The following LRRC7 variants were observed in gnomAD, a reference collection of about 807,000 sequenced individuals.
The protein encoded by LRRC7 is leucine rich repeat containing 7, also known as leucine-rich repeat-containing protein 7.
A neutral mutation model predicts 175.7 loss-of-function variants in LRRC7; 23 were observed. The observed-to-expected ratio is 0.13, with a 90% CI of 0.09 to 0.19. LRRC7 has a LOEUF of 0.19. Among genes scored for constraint, LRRC7 ranks in the 10% least tolerant of loss-of-function variants. LRRC7 has a pLI of 1.00. For synonymous variants in LRRC7, 685 were observed against 680.9 expected, an observed-to-expected ratio of 1.01 and a Z score of -0.09; for missense variants, 1,354 against 1,904.7, an observed-to-expected ratio of 0.71 and a Z score of 5.38.
intron 23 of LRRC7, among the ~76,000 whole-genome samples, chr1:70,056,600 G>A (rs1661171850): frequency 6.6e-6 from 1 of 152,080 alleles, no homozygotes; most frequent in South Asian, 2.1e-4. Context: ...TTCAAATCCA[G>A]CAAGAGAGAG....
At chr1:70,118,456 G>A (rs1304949627) in intron 26 of LRRC7, among the ~76,000 whole-genome samples, 1 of 152,014 alleles carries the variant, frequency 6.6e-6, no homozygotes, top group Middle Eastern at 3.2e-3. Context: ...AATCTGAATG[G>A]GAATCATAGT....
intron 4 of LRRC7, among the ~76,000 whole-genome samples, chr1:69,814,666 G>T (rs1371905155): frequency 6.6e-6 from 1 of 151,986 alleles, no homozygotes; most frequent in African/African-American, 2.4e-5. Context: ...CTATTTCTCT[G>T]TGTTTGGGTT....
At chr1:69,818,697 T>C (rs1167516572) in intron 4 of LRRC7, among the ~76,000 whole-genome samples, 1 of 152,136 alleles carries the variant, frequency 6.6e-6, no homozygotes, top group East Asian at 1.9e-4. Flanking sequence ...CTTTCAACAT[T>C]TGGTAGAATT....
chr1:69,677,719 T>C (rs936523102), intron 1 of LRRC7, among the ~76,000 whole-genome samples: 2 of 152,154 alleles, frequency 1.3e-5, no homozygotes, highest in African/African-American at 4.8e-5. Context: ...TTATTTACTT[T>C]GCAAATAATT....
chr1:70,119,074 A>G (rs761240389), intron 26 of LRRC7, among the ~76,000 whole-genome samples: 7 of 151,734 alleles, frequency 4.6e-5, no homozygotes, highest in Non-Finnish European at 8.8e-5. Flanking sequence ...TAGAAAAATG[A>G]TTCCACACAT....
intron 4 of LRRC7, among the ~76,000 whole-genome samples, chr1:69,795,882 G>T (rs1238286209): frequency 1.3e-5 from 2 of 150,528 alleles, no homozygotes; most frequent in East Asian, 1.9e-4. Flanking sequence ...AAAGATATCT[G>T]CACAATTTGA....
At chr1:70,018,282 T>G (rs1042439241) in intron 14 of LRRC7, among the ~76,000 whole-genome samples, 1 of 152,062 alleles carries the variant, frequency 6.6e-6, no homozygotes, top group Admixed American at 6.6e-5. Context: ...CTCTTATAAA[T>G]AAGTGAATGC....
chr1:69,821,987 A>G (rs1385580712), intron 4 of LRRC7, among the ~76,000 whole-genome samples: 1 of 152,158 alleles, frequency 6.6e-6, no homozygotes, highest in African/African-American at 2.4e-5. Flanking sequence ...TTTGCATTTG[A>G]AGAAGCTGTC....
rs576967788 is a variant in LRRC7, at chr1:69,770,149, C to A, written c.303+9756C>A. ...TTGTTCAAGATTCAAATTCCTGCTGCCTCCACAATGTACAATGAGGGATGT... is the reference window on the plus strand; with the variant it reads ...TTGTTCAAGATTCAAATTCCTGCTGACTCCACAATGTACAATGAGGGATGT... On this transcript the variant is annotated intron_variant, in intron 3 of 26. Transcript: ENST00000651989. Among the ~76,000 whole-genome samples the A allele has an allele frequency of 7.9e-5, 12 of 152,238 alleles. 1 individual carries two copies. Among genetic ancestry groups the A allele is most frequent in the African/African-American group, 2.6e-4 (11 of 41,546 alleles).
intron 2 of LRRC7, among the ~76,000 whole-genome samples, chr1:69,743,158 CAA>C (rs1488298387): frequency 2.0e-5 from 3 of 151,900 alleles, no homozygotes; most frequent in African/African-American, 7.2e-5. Context: ...ATTTTCAAAA[CAA>C]AGAATTCTAG....
intron 19 of LRRC7, 21 bp from the exon 20 acceptor site, chr1:70,036,423 A>G (rs1325422344): frequency 5.0e-6 from 8 of 1,598,854 alleles, no homozygotes; most frequent in Non-Finnish European, 6.8e-6. Context: ...GCATTATAAC[A>G]TTTTCCCCTT....
intron 4 of LRRC7, among the ~76,000 whole-genome samples, chr1:69,800,159 TG>T (rs1676298175): frequency 6.6e-6 from 1 of 152,048 alleles, no homozygotes; most frequent in African/African-American, 2.4e-5. Flanking sequence ...TAGTATAATT[TG>T]GGGGTCAGGT....
Position 69,966,851 on chromosome 1 carries a change from G to A in LRRC7, c.712-13528G>A, listed in dbSNP as rs536540363. Among the ~76,000 whole-genome samples the A allele has an allele frequency of 3.9e-5, 6 of 152,340 alleles. No individual in the cohort carries two copies. In the South Asian group the frequency reaches 8.3e-4, roughly 21 times the overall value. On this transcript the variant is annotated intron_variant, in intron 8 of 26. Transcript: ENST00000651989. ...GCCATTTCTGCCTGGTCTCACAGGGGTCCTTAAGCAGGGCTGCCAGAGGCA... is the reference window on the plus strand; with the variant it reads ...GCCATTTCTGCCTGGTCTCACAGGGATCCTTAAGCAGGGCTGCCAGAGGCA...
chr1:69,990,800 A>C (rs1385237972), intron 10 of LRRC7, among the ~76,000 whole-genome samples: 1 of 152,202 alleles, frequency 6.6e-6, no homozygotes, highest in East Asian at 1.9e-4. Context: ...AAATAAATTC[A>C]AATTGTCATA....
chr1:69,986,154 TAAAC>T (rs1190484607), intron 9 of LRRC7, 84 bp from the exon 10 acceptor site: 1 of 1,203,778 alleles, frequency 8.3e-7, no homozygotes, highest in African/African-American at 1.5e-5. Context: ...GCTTTTAAAA[TAAAC>T]TTTACAGTGT....
intron 1 of LRRC7, among the ~76,000 whole-genome samples, chr1:69,579,485 T>C (rs1165449789): frequency 6.6e-6 from 1 of 152,160 alleles, no homozygotes; most frequent in Non-Finnish European, 1.5e-5. Flanking sequence ...CCCAGCATCA[T>C]TGTTTAAATA....
At chr1:69,892,703 G>A (rs1645872644) in intron 7 of LRRC7, among the ~76,000 whole-genome samples, 1 of 152,102 alleles carries the variant, frequency 6.6e-6, no homozygotes, top group African/African-American at 2.4e-5. Context: ...TTATTTCACT[G>A]ACCCTTGTAA....
chr1:69,915,330 C>T (rs979012210), intron 7 of LRRC7, among the ~76,000 whole-genome samples: 4 of 152,156 alleles, frequency 2.6e-5, no homozygotes, highest in Admixed American at 2.0e-4. Flanking sequence ...AATTTAAATA[C>T]TCACAATAAC....
chr1:69,931,313 G>A (rs990058525), intron 7 of LRRC7, among the ~76,000 whole-genome samples, 194 bp from the exon 8 acceptor site: 1 of 152,168 alleles, frequency 6.6e-6, no homozygotes, highest in African/African-American at 2.4e-5. Flanking sequence ...TGGCATTTGT[G>A]AACAGATGCT....
Sources: gnomAD v4.1 joint callset for allele counts (sites outside exome capture counted in the v4.1 genomes callset) on GRCh38, gnomAD v4.1.1 for gene constraint, MANE v1.5 for transcripts, NCBI Gene and HGNC (gene_info 2026-07-23, HGNC 2026-07-21) for gene names.